Variants in OGFR observed in about 807,000 individuals in gnomAD.
The protein encoded by OGFR is protein 7-60.
Under a neutral mutation model 33.6 loss-of-function variants are expected in OGFR, and 18 were observed. That is an observed-to-expected ratio of 0.54 (90% CI 0.37 to 0.80). The LOEUF (loss-of-function observed/expected upper bound fraction) is 0.80, where lower values mean the gene tolerates loss of function less well. Ranked by LOEUF, OGFR falls within the 30% of genes least tolerant of loss-of-function variation. The probability of loss-of-function intolerance (pLI) is 0.00; values close to 1 mark genes in which losing one functional copy is unlikely to be tolerated. For missense variants in OGFR, 877 were observed against 955.8 expected, an observed-to-expected ratio of 0.92 and a Z score of 1.09; for synonymous variants, 370 against 400.7, an observed-to-expected ratio of 0.92 and a Z score of 0.91.
At position 62,813,053 on chromosome 20, in the gene OGFR, G is replaced by T; in HGVS notation, c.1438G>T (p.Ala480Ser). The T allele has an allele frequency of 6.3e-7, 1 of 1,585,682 alleles. No homozygotes were observed. The highest frequency in any genetic ancestry group is 8.6e-7 in the Non-Finnish European group (1 of 1,166,072). ...GGCCAGTGGTGGTGCCCAGACCTTG[G>T]CCCTTGCCGGGTCCCCTGCCCCATC... Reference protein sequence around the residue: ...AVASGGAQTLALAGSPAPSGH... With the variant: ...AVASGGAQTLSLAGSPAPSGH... The change falls in exon 7 of 7, where the codon GCC (alanine) becomes TCC (serine). Residue 480 changes from alanine (A) to serine (S), a missense_variant. By Grantham distance (99) the Ala-to-Ser change is moderately conservative. Coordinates refer to ENST00000290291, the MANE Select transcript of OGFR (RefSeq NM_007346.4).
intron 3 of OGFR, among the ~76,000 whole-genome samples, chr20:62,809,320 C>T (rs1990671034): frequency 6.6e-6 from 1 of 152,200 alleles, no homozygotes; most frequent in East Asian, 1.9e-4. Context: ...CCAGAGGGAC[C>T]TTCCGGGCTC....
At position 62,804,924 on chromosome 20, in the gene OGFR, ACGAGGACTG is replaced by A. The variant is rs931231817; in HGVS notation, c.73_81del (p.Cys25_Asp27del). 13 of 1,496,398 alleles carry A rather than the reference ACGAGGACTG, an allele frequency of 8.7e-6. No homozygotes were observed. In the Admixed American group the frequency reaches 1.3e-4, roughly 15 times the overall value. The allele number at this position is 1,496,398 out of a possible 1,614,324, so 92.7% of individuals were successfully genotyped here. On this transcript the variant is annotated inframe_deletion, in exon 1 of 7. Transcript: ENST00000290291. Reference sequence around the variant, plus strand: ...GAGGAGGATGCGGAGGACGCGGAGGACGAGGACTGCGAGGACGGCGAGGCCGCCGGCGCG... The same window carrying A: ...GAGGAGGATGCGGAGGACGCGGAGGACGAGGACGGCGAGGCCGCCGGCGCG...
intron 1 of OGFR, chr20:62,805,392 CCTGGGG>C (rs760689585): frequency 0.21 from 32,105 of 154,510 alleles, 3,601 homozygotes; most frequent in African/African-American, 0.27. Context: ...GGCCCCGCGG[CCTGGGG>C]CTGGGGCTGG....
intron 4 of OGFR, among the ~76,000 whole-genome samples, chr20:62,809,925 A>T (rs1019124133): frequency 2.0e-5 from 3 of 152,218 alleles, no homozygotes; most frequent in Non-Finnish European, 4.4e-5. Flanking sequence ...CTGAAACAGG[A>T]GAGGGGGCAG....
Position 62,804,946 on chromosome 20 carries a change from G to A in OGFR, c.87G>A (p.Glu29=). 6.7e-7 allele frequency: 1 copy of A among 1,492,906 alleles called. No individual in the cohort carries two copies. Among genetic ancestry groups the A allele is most frequent in the Non-Finnish European group, 8.9e-7 (1 of 1,121,600 alleles). 92.5% of individuals were successfully genotyped at this position (1,492,906 alleles called of 1,614,324 possible). The change falls in exon 1 of 7, where the codon GAG becomes GAA. Residue 29 remains glutamate (E), a synonymous_variant. Coordinates refer to ENST00000290291, the MANE Select transcript of OGFR (RefSeq NM_007346.4). Reference sequence around the variant, plus strand: ...AGGACGAGGACTGCGAGGACGGCGAGGCCGCCGGCGCGAGGGACGCGGACG... The same window carrying A: ...AGGACGAGGACTGCGAGGACGGCGAAGCCGCCGGCGCGAGGGACGCGGACG... ...DAEDEDCEDG[E]AAGARDADAG... is the part of the protein sequence containing the mutation.
rs756220339 is a variant in OGFR, at chr20:62,812,656, A to T, written c.1041A>T (p.Pro347=). The change falls in exon 7 of 7, where the codon CCA becomes CCT. Residue 347 remains proline, a synonymous_variant. Transcript: ENST00000290291. ...GGGRVDEGPQ[P]RSVEPQDAGP... ...GCAGGGTGGACGAGGGGCCCCAGCC[A>T]CGGAGCGTGGAGCCCCAGGATGCGG... 31 of 1,563,098 alleles carry T rather than the reference A, an allele frequency of 2.0e-5. No homozygotes were observed. Among genetic ancestry groups the T allele is most frequent in the Non-Finnish European group, 2.5e-5 (29 of 1,154,528 alleles).
At chr20:62,807,502 C>G (rs767833057) in intron 1 of OGFR, 35 bp from the exon 2 acceptor site, 3 of 1,602,076 alleles carry the variant, frequency 1.9e-6, no homozygotes, top group South Asian at 2.2e-5. Flanking sequence ...GGGGGTCTCC[C>G]ATGGGGGTCC....
intron 1 of OGFR, chr20:62,805,438 G>A (rs1206743275): frequency 6.5e-6 from 1 of 153,858 alleles, no homozygotes; most frequent in Non-Finnish European, 1.5e-5. Context: ...GCCCGGGCCG[G>A]GTCTGGCCTG....
At chr20:62,808,576 A>G (rs750023422) in intron 3 of OGFR, among the ~76,000 whole-genome samples, 5 of 152,248 alleles carry the variant, frequency 3.3e-5, no homozygotes, top group Non-Finnish European at 7.3e-5. Flanking sequence ...TTTTCAGGCC[A>G]CACAGTCTCT....
intron 5 of OGFR, 37 bp downstream of exon 5, chr20:62,810,602 G>A: frequency 6.2e-7 from 1 of 1,600,004 alleles, no homozygotes; most frequent in South Asian, 1.1e-5. Flanking sequence ...AGGGGAAGAT[G>A]GGGAGGCCTG....
rs747971841 is a variant in OGFR, at chr20:62,812,275, G to A, written c.660G>A (p.Leu220=). ...GCATCACACGCATCCTCAAGTCGCTGGGTGAGCTGGGCCTCGAGCACTTCC... is the reference window on the plus strand; with the variant it reads ...GCATCACACGCATCCTCAAGTCGCTAGGTGAGCTGGGCCTCGAGCACTTCC... ...NLRITRILKS[L]GELGLEHFQA... The change falls in exon 7 of 7, where the codon CTG becomes CTA. Residue 220 remains leucine (L), a synonymous_variant. Transcript: ENST00000290291. The A allele has an allele frequency of 6.5e-7, 1 of 1,534,236 alleles. No individual in the cohort carries two copies. Among genetic ancestry groups the A allele is most frequent in the African/African-American group, 1.4e-5 (1 of 72,340 alleles).
chr20:62,812,411 C>A lies in OGFR; in HGVS notation c.796C>A (p.Gln266Lys). 6.3e-7 allele frequency: 1 copy of A among 1,578,820 alleles called. No individual in the cohort carries two copies. The stretch of plus-strand genomic sequence containing the variant: ...CATGTTCGCCGTGCGCTGCCGACAC[C>A]AGCGCCGCCAGCTGGTGCACTTCGC... ...YFMFAVRCRH[Q>K]RRQLVHFAWE... The change falls in exon 7 of 7, where the codon CAG (glutamine) becomes AAG (lysine). Residue 266 changes from glutamine to lysine, a missense_variant. By Grantham distance (53) the Gln-to-Lys change is moderately conservative. This residue lies in a region of OGFR where 760 missense variants were observed against 736.0 expected (regional missense o/e 1.03). Coordinates refer to ENST00000290291, the MANE Select transcript of OGFR (RefSeq NM_007346.4).
chr20:62,811,568 G>T lies in OGFR; in HGVS notation c.572G>T (p.Gly191Val). The T allele has an allele frequency of 6.2e-7, 1 of 1,601,420 alleles. No individual in the cohort carries two copies. ...GAGGACCGAGGCACGGGCACGGTGG[G>T]CCGAGCACAGAACTACCAGAAGCGC... is the stretch of plus-strand genomic sequence containing the variant. ...RLEDRGTGTV[G>V]RAQNYQKRFQ... The change falls in exon 6 of 7, where the codon GGC becomes GTC. Residue 191 changes from glycine (G) to valine (V), a missense_variant. Around this residue, in one of 3 missense-constraint regions of OGFR, gnomAD observed 760 missense variants for 736.0 expected, o/e 1.03. Transcript: ENST00000290291.
At chr20:62,805,086 G>A in intron 1 of OGFR, 56 bp downstream of exon 1, 2 of 1,259,206 alleles carry the variant, frequency 1.6e-6, no homozygotes, top group East Asian at 3.2e-5. Flanking sequence ...CCGCCCGGCT[G>A]CGTGGACGGG....
Position 62,813,022 on chromosome 20 carries a change from T to C in OGFR, c.1407T>C (p.Ala469=). The C allele has an allele frequency of 6.2e-7, 1 of 1,605,380 alleles. No homozygotes were observed. The highest frequency in any genetic ancestry group is 8.5e-7 in the Non-Finnish European group (1 of 1,176,378). ...TGGATGAGGGTGCTGGGGACAGTGC[T>C]GCGGTGGCCAGTGGTGGTGCCCAGA... ...RKVDEGAGDS[A]AVASGGAQTL... is the part of the protein sequence containing the mutation. Residue 469 remains alanine (A), a synonymous_variant, in exon 7 of 7, where the codon GCT becomes GCC. Transcript: ENST00000290291.
Position 62,812,236 on chromosome 20 carries a change from C to A in OGFR, c.621C>A (p.Ser207Arg). 2.0e-6 allele frequency: 3 copies of A among 1,502,564 alleles called. No homozygotes were observed. The highest frequency in any genetic ancestry group is 2.2e-5 in the Admixed American group (1 of 44,452). The allele number at this position is 1,502,564 out of a possible 1,614,324, so 93.1% of individuals were successfully genotyped here. ...QKRFQNLNWR[S>R]HNNLRITRIL... ...TGACCCGGATCTCTCGCAGGCGCAG[C>A]CACAACAACCTCCGCATCACACGCA... The change falls in exon 7 of 7, where the codon AGC (serine) becomes AGA (arginine). Residue 207 changes from serine (S) to arginine (R), a missense_variant. Physicochemically the swap from Ser to Arg is moderately radical, Grantham distance 110. Coordinates refer to ENST00000290291, the MANE Select transcript of OGFR (RefSeq NM_007346.4).
Position 62,813,445 on chromosome 20 carries a change from A to G in OGFR, c.1830A>G (p.Ala610=), listed in dbSNP as rs762864108. The change falls in exon 7 of 7, where the codon GCA becomes GCG. Residue 610 remains alanine (A), a synonymous_variant. Coordinates refer to ENST00000290291, the MANE Select transcript of OGFR (RefSeq NM_007346.4). ...ETPGPRPAGP[A]GDEPAESPSE... The stretch of plus-strand genomic sequence containing the variant: ...CAGGCCCCCGCCCGGCAGGACCTGC[A>G]GGGGACGAGCCAGCCGAGAGCCCAT... 8.7e-6 allele frequency: 13 copies of G among 1,487,954 alleles called. No homozygotes were observed. Among genetic ancestry groups the G allele is most frequent in the Admixed American group, 2.1e-5 (1 of 48,666 alleles). 92.2% of individuals were successfully genotyped at this position (1,487,954 alleles called of 1,614,324 possible).
At chr20:62,809,539 G>C (rs753435841) in intron 3 of OGFR, 46 bp from the exon 4 acceptor site, 1 of 1,484,994 alleles carries the variant, frequency 6.7e-7, no homozygotes, top group African/African-American at 1.4e-5. Flanking sequence ...TCCTGAGCAC[G>C]GGCAGGGTGG....
chr20:62,807,724 T>TCA (rs1990629226), intron 2 of OGFR, 119 bp downstream of exon 2: 1 of 1,021,042 alleles, frequency 9.8e-7, no homozygotes, highest in Non-Finnish European at 1.5e-6. Flanking sequence ...GCCACAGTTC[T>TCA]GGGCAGGACC....
Sources: gnomAD v4.1 joint callset for allele counts (sites outside exome capture counted in the v4.1 genomes callset) on GRCh38, gnomAD v4.1.1 for gene constraint, gnomAD v4.1.1 regional missense constraint, MANE v1.5 for transcripts, NCBI Gene and HGNC (gene_info 2026-07-23, HGNC 2026-07-21) for gene names.